APC: variants seen among roughly 807,000 people sequenced by gnomAD.
APC encodes the protein adenomatous polyposis coli protein.
A neutral mutation model predicts 247.0 loss-of-function variants in APC; 72 were observed. The ratio of observed to expected loss-of-function variants is 0.29; its 90% CI spans 0.24 to 0.35. The LOEUF (loss-of-function observed/expected upper bound fraction) is 0.35. Ranked by LOEUF, APC falls within the 10% of genes least tolerant of loss-of-function variation. APC has a pLI of 1.00. For missense variants in APC, 3,400 were observed against 3,360.7 expected, an observed-to-expected ratio of 1.01 and a Z score of -0.29; for synonymous variants, 1,254 against 1,162.5, an observed-to-expected ratio of 1.08 and a Z score of -1.60.
intron 6 of APC, among the ~76,000 whole-genome samples, chr5:112,789,045 G>A (rs1218976958): frequency 6.6e-6 from 1 of 152,160 alleles, no homozygotes; most frequent in Non-Finnish European, 1.5e-5. Flanking sequence ...ACACAGTTAA[G>A]TGTACCCTTT....
chr5:112,786,482 C>G (rs1330435199), intron 6 of APC, among the ~76,000 whole-genome samples: 1 of 152,142 alleles, frequency 6.6e-6, no homozygotes, highest in African/African-American at 2.4e-5. Context: ...GGTACTTACC[C>G]TTCCATAGGC....
At chr5:112,809,720 CAGT>C (rs1761785396) in intron 8 of APC, among the ~76,000 whole-genome samples, 1 of 152,008 alleles carries the variant, frequency 6.6e-6, no homozygotes, top group Admixed American at 6.6e-5. Context: ...TAGAAGAGAG[CAGT>C]CAGGCGTGAT....
chr5:112,798,608 T>C (rs1028346226), intron 7 of APC, among the ~76,000 whole-genome samples: 5 of 152,192 alleles, frequency 3.3e-5, no homozygotes, highest in African/African-American at 1.2e-4. Context: ...CTTGGAGAAG[T>C]TGTAAAGCAA....
In APC at chr5:112,838,157, G is replaced by C. The variant is rs1320581229; in HGVS notation, c.2563G>C (p.Glu855Gln). The change falls in exon 16 of 16, where the codon GAA (glutamate) becomes CAA (glutamine). Residue 855 changes from glutamate (E) to glutamine (Q), a missense_variant. By Grantham distance (29) the Glu-to-Gln change is conservative (BLOSUM62 2). This residue lies in a region of APC where 715 missense variants were observed against 656.6 expected (regional missense o/e 1.09). Transcript: ENST00000257430. ...TGAAAAAGATAGAAGTTTGGAGAGA[G>C]AACGCGGAATTGGTCTAGGCAACTA... ...RSEKDRSLER[E>Q]RGIGLGNYHP... The C allele has an allele frequency of 1.9e-6, 3 of 1,614,056 alleles. No homozygotes were observed. The highest frequency in any genetic ancestry group is 2.7e-5 in the African/African-American group (2 of 74,918).
At chr5:112,834,696 A>G (rs966697398) in intron 14 of APC, among the ~76,000 whole-genome samples, 2 of 152,156 alleles carry the variant, frequency 1.3e-5, no homozygotes, top group Admixed American at 6.5e-5. Flanking sequence ...TGTACTATCT[A>G]AACACTTAGA....
At chr5:112,763,532 T>G (rs1046198818) in intron 2 of APC, among the ~76,000 whole-genome samples, 3 of 152,110 alleles carry the variant, frequency 2.0e-5, no homozygotes, top group Non-Finnish European at 4.4e-5. Context: ...TATTTTAAGT[T>G]TTTATTATTT....
chr5:112,716,310 A>G (rs1751166518), intron 1 of APC, among the ~76,000 whole-genome samples: 1 of 152,004 alleles, frequency 6.6e-6, no homozygotes, highest in Non-Finnish European at 1.5e-5. Flanking sequence ...ATGTTTTCAG[A>G]TTTCTGTTAT....
At chr5:112,724,515 C>T (rs151319605) in intron 1 of APC, among the ~76,000 whole-genome samples, 1 of 148,292 alleles carries the variant, frequency 6.7e-6, no homozygotes, top group Non-Finnish European at 1.5e-5. Flanking sequence ...TGTCCTCAAA[C>T]AGCTTTTAGT....
chr5:112,727,045 G>T (rs1213370839), intron 1 of APC, among the ~76,000 whole-genome samples: 1 of 151,720 alleles, frequency 6.6e-6, no homozygotes, highest in Admixed American at 6.6e-5. Flanking sequence ...TATTAGGTTG[G>T]TGCAAAAATA....
At chr5:112,729,238 C>T (rs1378504052) in intron 1 of APC, among the ~76,000 whole-genome samples, 7 of 152,108 alleles carry the variant, frequency 4.6e-5, no homozygotes, top group Non-Finnish European at 8.8e-5. Flanking sequence ...TTCTTGTCTT[C>T]ATGGGATTTA....
intron 15 of APC, 80 bp from the exon 16 acceptor site, chr5:112,837,473 T>G: frequency 2.9e-6 from 3 of 1,050,584 alleles, no homozygotes; most frequent in Non-Finnish European, 4.4e-6. Context: ...ATATTATGCC[T>G]TTTGTCTTCT....
chr5:112,806,956 A>T (rs2149731131), intron 8 of APC, among the ~76,000 whole-genome samples: 1 of 152,156 alleles, frequency 6.6e-6, no homozygotes, highest in Non-Finnish European at 1.5e-5. Flanking sequence ...AACATGGTGA[A>T]ACCCCATCTC....
upstream of APC, among the ~76,000 whole-genome samples, chr5:112,736,814 T>C (rs1752417628): frequency 6.6e-6 from 1 of 152,150 alleles, no homozygotes; most frequent in Admixed American, 6.5e-5. Flanking sequence ...CTTGGGAGGC[T>C]GAGGCAGGAG....
At chr5:112,801,751 T>A (rs1347266008) in intron 8 of APC, among the ~76,000 whole-genome samples, 1 of 152,080 alleles carries the variant, frequency 6.6e-6, no homozygotes. Context: ...TGTAAAGACA[T>A]TTTTATGGTT....
chr5:112,802,873 C>A (rs890632764), intron 8 of APC, among the ~76,000 whole-genome samples: 3 of 151,930 alleles, frequency 2.0e-5, no homozygotes, highest in African/African-American at 7.3e-5. Flanking sequence ...ATGCAAAAAA[C>A]AGTATTTATA....
At position 112,840,672 on chromosome 5, in the gene APC, A is replaced by G. The variant is rs533667536; in HGVS notation, c.5078A>G (p.Glu1693Gly). Reference protein sequence around the residue: ...EFEKRDTIPTEGRSTDEAQGG... With the variant: ...EFEKRDTIPTGGRSTDEAQGG... Reference sequence around the variant, plus strand: ...GAAAAACGAGATACCATTCCTACAGAAGGCAGAAGTACAGATGAGGCTCAA... The same window carrying G: ...GAAAAACGAGATACCATTCCTACAGGAGGCAGAAGTACAGATGAGGCTCAA... The change falls in exon 16 of 16, where the codon GAA becomes GGA. Residue 1693 changes from glutamate (E) to glycine (G), a missense_variant. Physicochemically the swap from Glu to Gly is moderately conservative, Grantham distance 98. Coordinates refer to ENST00000257430, the MANE Select transcript of APC (RefSeq NM_000038.6). The surrounding 1 kb of genome is among the most constrained non-coding windows in gnomAD (Gnocchi z 4.1). The G allele has an allele frequency of 1.9e-5, 30 of 1,614,068 alleles. No individual in the cohort carries two copies. The South Asian group carries it at 3.2e-4, about 17-fold the overall frequency.
At chr5:112,793,644 G>C (rs1355185410) in intron 7 of APC, among the ~76,000 whole-genome samples, 1 of 152,128 alleles carries the variant, frequency 6.6e-6, no homozygotes, top group Non-Finnish European at 1.5e-5. Flanking sequence ...CTAACTACCA[G>C]ACAGTATAGA....
intron 1 of APC, among the ~76,000 whole-genome samples, chr5:112,721,448 A>G (rs914274051): frequency 2.0e-5 from 3 of 152,102 alleles, no homozygotes; most frequent in Admixed American, 1.3e-4. Context: ...AAAGACTGAA[A>G]ATTTGATTTT....
intron 8 of APC, among the ~76,000 whole-genome samples, chr5:112,806,875 G>A (rs781234252): frequency 2.6e-5 from 4 of 152,158 alleles, no homozygotes; most frequent in Non-Finnish European, 4.4e-5. Flanking sequence ...GCTCACACAT[G>A]TAATCCCAGC....
Sources: gnomAD v4.1 joint callset for allele counts (sites outside exome capture counted in the v4.1 genomes callset) on GRCh38, gnomAD v4.1.1 for gene constraint, gnomAD v4.1.1 regional missense constraint, Gnocchi (gnomAD v3.1) non-coding constraint, MANE v1.5 for transcripts, NCBI Gene and HGNC (gene_info 2026-07-23, HGNC 2026-07-21) for gene names.